The following VPS13A variants were observed in gnomAD, a reference collection of about 807,000 sequenced individuals.
The protein encoded by VPS13A is intermembrane lipid transfer protein VPS13A.
VPS13A carries 264 observed loss-of-function variants against 390.9 expected under a neutral mutation model. That is an observed-to-expected ratio of 0.68 (90% CI 0.61 to 0.75). The LOEUF (loss-of-function observed/expected upper bound fraction) is 0.75. Among genes scored for constraint, VPS13A ranks in the 30% least tolerant of loss-of-function variants. The pLI is 0.00. For synonymous variants in VPS13A, 1,231 were observed against 1,227.1 expected (o/e 1.00, Z -0.07); for missense variants, 3,409 against 3,733.9 (o/e 0.91, Z 2.27).
At chr9:77,379,760 A>G (rs1303974030) in intron 67 of VPS13A, among the ~76,000 whole-genome samples, 1 of 152,246 alleles carries the variant, frequency 6.6e-6, no homozygotes, top group Non-Finnish European at 1.5e-5. Context: ...GACATGTTTT[A>G]TGACCTAATA....
Position 77,238,189 on chromosome 9 carries a change from G to T in VPS13A, c.1783G>T (p.Ala595Ser), listed in dbSNP as rs757058290. The change falls in exon 18 of 72, where the codon GCA becomes TCA. Residue 595 changes from alanine to serine, a missense_variant and splice_region_variant. Coordinates refer to ENST00000360280, the MANE Select transcript of VPS13A (RefSeq NM_033305.3). The stretch of plus-strand genomic sequence containing the variant: ...TGAACCTTTAGAAATCATATATGAT[G>T]CAGTAAGCATTTTTTTAAATTACTA... ...EAEPLEIIYD[A>S]RTVNSIVEFF... The T allele has an allele frequency of 2.2e-5, 36 of 1,612,484 alleles. No homozygotes were observed. The East Asian group carries it at 7.8e-4, about 35-fold the overall frequency.
intron 32 of VPS13A, among the ~76,000 whole-genome samples, chr9:77,294,324 C>T (rs965068410): frequency 3.3e-5 from 5 of 152,164 alleles, no homozygotes; most frequent in East Asian, 1.9e-4. Flanking sequence ...GTTCTTATTT[C>T]GGCTTTTCTT....
chr9:77,316,183 A>T lies in VPS13A; in HGVS notation c.4640A>T (p.Gln1547Leu), dbSNP rs1222028008. Residue 1547 changes from glutamine (Q) to leucine (L), a missense_variant, in exon 39 of 72, where the codon CAG (glutamine) becomes CTG (leucine). Around this residue, in one of 5 missense-constraint regions of VPS13A, gnomAD observed 2,717 missense variants for 2,917.4 expected, o/e 0.93. Transcript: ENST00000360280. ...TWTAKEEVPTQESVKWEINVI... is the reference protein window; with the variant it reads ...TWTAKEEVPTLESVKWEINVI... ...TTTTTATTTGTTTTAGTACCTACAC[A>T]GGAATCAGTGAAGTGGGAAATTAAT... is the stretch of plus-strand genomic sequence containing the variant. 6.2e-7 allele frequency: 1 copy of T among 1,607,374 alleles called. No individual in the cohort carries two copies. Among genetic ancestry groups the T allele is most frequent in the Non-Finnish European group, 8.5e-7 (1 of 1,174,678 alleles).
At chr9:77,196,210 C>CA (rs544160328) in intron 1 of VPS13A, among the ~76,000 whole-genome samples, 269 of 152,134 alleles carry the variant, frequency 1.8e-3, no homozygotes, top group African/African-American at 6.1e-3. Flanking sequence ...TTTTAATTGA[C>CA]ATGTATTGTG....
rs57841628 is a variant in VPS13A, at chr9:77,341,691, C to CTTTTTTTTTTTTTTTTTTTTTTTTTTTT, written c.7026+1143_7026+1170dup. Among the ~76,000 whole-genome samples the CTTTTTTTTTTTTTTTTTTTTTTTTTTTT allele has an allele frequency of 7.1e-4, 27 of 37,842 alleles. 4 individuals carry two copies. Among genetic ancestry groups the CTTTTTTTTTTTTTTTTTTTTTTTTTTTT allele is most frequent in the South Asian group, 1.3e-3 (1 of 754 alleles). The allele number at this position is 37,842 out of a possible 152,430, so 24.8% of individuals were successfully genotyped here. On this transcript the variant is annotated intron_variant, in intron 50 of 71. Transcript: ENST00000360280. ...AGTAAGTTCTACATGGACATCTTTC[C>CTTTTTTTTTTTTTTTTTTTTTTTTTTTT]TTTTTTTTTTTTTTTTTTTTTTTTT...
chr9:77,357,000 A>G, intron 55 of VPS13A, 133 bp downstream of exon 55: 1 of 1,032,054 alleles, frequency 9.7e-7, no homozygotes, highest in Non-Finnish European at 1.4e-6. Flanking sequence ...CCTTGTATAA[A>G]ATGTTTTAAA....
intron 68 of VPS13A, among the ~76,000 whole-genome samples, chr9:77,391,020 G>C (rs1462534060): frequency 6.6e-6 from 1 of 152,074 alleles, no homozygotes; most frequent in Admixed American, 6.6e-5. Context: ...TTAAGCCCAG[G>C]TACGTTCAAT....
intron 41 of VPS13A, among the ~76,000 whole-genome samples, chr9:77,318,816 G>A (rs1360045894): frequency 6.6e-6 from 1 of 152,196 alleles, no homozygotes; most frequent in African/African-American, 2.4e-5. Context: ...TCCACATTAA[G>A]TTTATATTTC....
At chr9:77,187,819 G>C (rs1589969305) in intron 1 of VPS13A, among the ~76,000 whole-genome samples, 1 of 152,124 alleles carries the variant, frequency 6.6e-6, no homozygotes, top group Non-Finnish European at 1.5e-5. Context: ...CCCAGGTAGA[G>C]AGCATAGTAC....
At chr9:77,275,811 CT>C (rs368058162) in intron 25 of VPS13A, among the ~76,000 whole-genome samples, 159 bp downstream of exon 25, 20 of 146,846 alleles carry the variant, frequency 1.4e-4, no homozygotes, top group Admixed American at 2.0e-4. Context: ...CCGCCCCCCC[CT>C]TTTTTTTTTA....
intron 6 of VPS13A, among the ~76,000 whole-genome samples, chr9:77,210,386 G>T (rs919217389): frequency 1.1e-5 from 1 of 92,184 alleles, no homozygotes; most frequent in African/African-American, 4.6e-5. Context: ...TGGGACTACA[G>T]TTGCACCCCA....
intron 23 of VPS13A, among the ~76,000 whole-genome samples, chr9:77,263,944 A>G (rs938372167): frequency 6.6e-6 from 1 of 152,180 alleles, no homozygotes; most frequent in Non-Finnish European, 1.5e-5. Context: ...GAAGTGGTCC[A>G]GTTTCAGTTT....
At chr9:77,350,253 A>G (rs1831380442) in intron 52 of VPS13A, among the ~76,000 whole-genome samples, 1 of 152,312 alleles carries the variant, frequency 6.6e-6, no homozygotes, top group East Asian at 1.9e-4. Flanking sequence ...TTTCAAACAG[A>G]TTAATATAAA....
chr9:77,221,090 ATTATAG>A (rs1301503366), intron 12 of VPS13A, 89 bp from the exon 13 acceptor site: 1 of 1,188,206 alleles, frequency 8.4e-7, no homozygotes, highest in Admixed American at 1.7e-5. Flanking sequence ...TAATCTTTGT[ATTATAG>A]TTATGTATGT....
Position 77,220,304 on chromosome 9 carries a change from T to G in VPS13A, c.910T>G (p.Ser304Ala), listed in dbSNP as rs1464692210. The G allele has an allele frequency of 9.9e-6, 16 of 1,612,418 alleles. No individual in the cohort carries two copies. Among genetic ancestry groups the G allele is most frequent in the Non-Finnish European group, 1.4e-5 (16 of 1,179,122 alleles). Reference protein sequence around the residue: ...QYFSIMELLESVDMMAQNLPY... With the variant: ...QYFSIMELLEAVDMMAQNLPY... Reference sequence around the variant, plus strand: ...TTTCAGTATTATGGAGCTTCTTGAATCAGTTGATATGATGGCACAAAATCT... The same window carrying G: ...TTTCAGTATTATGGAGCTTCTTGAAGCAGTTGATATGATGGCACAAAATCT... The change falls in exon 12 of 72, where the codon TCA becomes GCA. Residue 304 changes from serine (S) to alanine (A), a missense_variant. By Grantham distance (99) the Ser-to-Ala change is moderately conservative. Around this residue, in one of 5 missense-constraint regions of VPS13A, gnomAD observed 2,717 missense variants for 2,917.4 expected, o/e 0.93. Coordinates refer to ENST00000360280, the MANE Select transcript of VPS13A (RefSeq NM_033305.3).
intron 51 of VPS13A, among the ~76,000 whole-genome samples, chr9:77,344,664 C>G (rs2131521981): frequency 6.6e-6 from 1 of 151,674 alleles, no homozygotes; most frequent in South Asian, 2.1e-4. Flanking sequence ...GAGGCTGAGG[C>G]AGGAGAATGG....
chr9:77,380,472 C>T (rs907580459), intron 67 of VPS13A, among the ~76,000 whole-genome samples: 2 of 151,890 alleles, frequency 1.3e-5, no homozygotes, highest in African/African-American at 2.4e-5. Flanking sequence ...CCACCACGCC[C>T]GGCTAATTTT....
intron 68 of VPS13A, 82 bp from the exon 69 acceptor site, chr9:77,403,154 T>G: frequency 1.0e-6 from 1 of 959,486 alleles, no homozygotes; most frequent in Non-Finnish European, 1.7e-6. Flanking sequence ...AGAAATGGTT[T>G]TTAGAGGACT....
At position 77,260,161 on chromosome 9, in the gene VPS13A, G is replaced by A. The variant is rs770433379; in HGVS notation, c.2364G>A (p.Leu788=). Residue 788 remains leucine, a synonymous_variant, in exon 23 of 72, where the codon TTG becomes TTA. Transcript: ENST00000360280. ...AAAAACTACAAGGGATTATGGAATT[G>A]ATTGAAAGCATTCCAAAACCTGAAC... ...SDKKLQGIME[L]IESIPKPEPV... The A allele has an allele frequency of 1.1e-5, 17 of 1,609,964 alleles. No individual in the cohort carries two copies. In the South Asian group the frequency reaches 1.7e-4, roughly 16 times the overall value.
Sources: allele counts gnomAD v4.1 joint callset (sites outside exome capture counted in the v4.1 genomes callset), GRCh38; gene constraint gnomAD v4.1.1; regional missense constraint gnomAD v4.1.1; transcripts MANE v1.5; gene names NCBI Gene and HGNC (gene_info 2026-07-23, HGNC 2026-07-21).